Variants in EXOSC4 observed in about 807,000 individuals in gnomAD.
EXOSC4 encodes exosome complex component RRP41.
EXOSC4 carries 14 observed loss-of-function variants against 20.0 expected under a neutral mutation model. The ratio of observed to expected loss-of-function variants is 0.70; its 90% CI spans 0.46 to 1.09. The LOEUF (loss-of-function observed/expected upper bound fraction) is 1.09, where lower values mean the gene tolerates loss of function less well. EXOSC4 is among the 50% of genes least tolerant of loss of function. EXOSC4 has a pLI of 0.00. For missense variants in EXOSC4, 337 were observed against 334.0 expected (o/e 1.01, Z -0.07); for synonymous variants, 148 against 146.4 (o/e 1.01, Z -0.08).
At chr8:144,074,220 A>T (rs1181333097), upstream of EXOSC4, among the ~76,000 whole-genome samples, 8 of 152,052 alleles carry the variant, frequency 5.3e-5, no homozygotes, top group Non-Finnish European at 1.2e-4. Flanking sequence ...AACCAGCTAA[A>T]ACTGTCTCTT....
chr8:144,079,675 G>A (rs529191294), intron 1 of EXOSC4: 4 of 634,416 alleles, frequency 6.3e-6, no homozygotes, highest in Non-Finnish European at 1.2e-5. Flanking sequence ...TAGGATTTGA[G>A]TGTGTAGGTG....
At position 144,079,000 on chromosome 8, in the gene EXOSC4, C is replaced by T. The variant is rs1429323937; in HGVS notation, c.171+101C>T. 3 of 1,289,122 alleles carry T rather than the reference C, an allele frequency of 2.3e-6. No individual in the cohort carries two copies. The African/African-American group carries it at 4.7e-5, about 20-fold the overall frequency. The allele number at this position is 1,289,122 out of a possible 1,614,324, so 79.9% of individuals were successfully genotyped here. A position where few individuals can be genotyped will look rare whatever the true frequency, so the allele number is the denominator to read the frequency against. On this transcript the variant is annotated intron_variant, in intron 1 of 2. Transcript: ENST00000316052. This position sits in a 1 kb window ranked among gnomAD's most constrained non-coding sequence, Gnocchi z 4.7. ...GACTTGAGGGGCAACGGCCGGCGCG[C>T]CTCAGTCTACACAGCCGATGCTCAG...
chr8:144,068,188 T>C, the EXOSC4 span, among the ~76,000 whole-genome samples: 3 of 152,162 alleles, frequency 2.0e-5, no homozygotes, highest in African/African-American at 7.2e-5. Context: ...TTCATAAATA[T>C]TCATGACTCC....
chr8:144,070,821 T>A, the EXOSC4 span, among the ~76,000 whole-genome samples: 2 of 150,728 alleles, frequency 1.3e-5, no homozygotes, highest in East Asian at 3.9e-4. Flanking sequence ...ACAGCAAAAC[T>A]CCGTCTTGAA....
At chr8:144,068,687 T>G in the EXOSC4 span, among the ~76,000 whole-genome samples, 5 of 152,332 alleles carry the variant, frequency 3.3e-5, 1 homozygote, top group South Asian at 1.0e-3. Flanking sequence ...ACAGGGGGAA[T>G]CTGTGGTGCT....
At chr8:144,075,673 T>C (rs782008474), upstream of EXOSC4, among the ~76,000 whole-genome samples, 1 of 152,234 alleles carries the variant, frequency 6.6e-6, no homozygotes, top group Non-Finnish European at 1.5e-5. Flanking sequence ...GCGTCTGCCA[T>C]ATTCTTTCTA....
intron 1 of EXOSC4, chr8:144,079,203 C>T (rs2129922228): frequency 3.2e-6 from 1 of 313,212 alleles, no homozygotes; most frequent in East Asian, 5.4e-5. Context: ...CCTTCCCAGA[C>T]GACCTTATTA....
At chr8:144,079,107 C>A in intron 1 of EXOSC4, 1 of 491,784 alleles carries the variant, frequency 2.0e-6, no homozygotes, top group Non-Finnish European at 3.3e-6. Context: ...TCTGTCCCTG[C>A]GCCCTCCTTC....
the EXOSC4 span, among the ~76,000 whole-genome samples, chr8:144,070,041 G>A: frequency 2.0e-5 from 3 of 152,250 alleles, no homozygotes; most frequent in Non-Finnish European, 2.9e-5. Flanking sequence ...GCCGGGGAAC[G>A]GAGTTTATGT....
At chr8:144,078,536 G>C, upstream of EXOSC4, 1 of 514,758 alleles carries the variant, frequency 1.9e-6, no homozygotes, top group Non-Finnish European at 3.2e-6. The surrounding 1 kb of genome is among the most constrained non-coding windows in gnomAD (Gnocchi z 4.7). Flanking sequence ...CACCAGGACA[G>C]GAAGTGACAG....
chr8:144,078,326 T>G (rs1835856425), upstream of EXOSC4: 1 of 165,550 alleles, frequency 6.0e-6, no homozygotes, highest in South Asian at 1.6e-4. The surrounding 1 kb of genome is among the most constrained non-coding windows in gnomAD (Gnocchi z 4.7). Context: ...CAGGCACCAC[T>G]GGTCACGAGG....
chr8:144,075,290 G>A (rs1391045685), upstream of EXOSC4, among the ~76,000 whole-genome samples: 2 of 151,690 alleles, frequency 1.3e-5, no homozygotes, highest in South Asian at 2.1e-4. Flanking sequence ...GCAGTGGTGC[G>A]ATTTCGGCTC....
At position 144,079,936 on chromosome 8, in the gene EXOSC4, C is replaced by T. The variant is rs1554763241; in HGVS notation, c.172-7C>T. 4 of 1,613,920 alleles carry T rather than the reference C, an allele frequency of 2.5e-6. No homozygotes were observed. Among genetic ancestry groups the T allele is most frequent in the South Asian group, 2.2e-5 (2 of 91,066 alleles). ...TGGGCCTGGCTCATGTGTCTGTCCTCTTCCAGATCCGGGGCTCCCGGGCTC... is the reference window on the plus strand; with the variant it reads ...TGGGCCTGGCTCATGTGTCTGTCCTTTTCCAGATCCGGGGCTCCCGGGCTC... On this transcript the variant is annotated splice_polypyrimidine_tract_variant and splice_region_variant and intron_variant, in intron 1 of 2. Transcript: ENST00000316052.
rs781895679 is a variant in EXOSC4, at chr8:144,080,415, GCTGGCC to G, written c.562_567del (p.Ala188_Leu189del). The G allele has an allele frequency of 1.9e-6, 3 of 1,610,898 alleles. No individual in the cohort carries two copies. In the South Asian group the frequency reaches 3.3e-5, roughly 18 times the overall value. ...TGGAGGAAGCAGCTGGTGGCCCCCAGCTGGCCCTGGCCCTGCTGCCAGCCTCAGGAC... is the reference window on the plus strand; with the variant it reads ...TGGAGGAAGCAGCTGGTGGCCCCCAGCTGGCCCTGCTGCCAGCCTCAGGAC... On this transcript the variant is annotated inframe_deletion, in exon 3 of 3. Coordinates refer to ENST00000316052, the MANE Select transcript of EXOSC4 (RefSeq NM_019037.3). This position sits in a 1 kb window ranked among gnomAD's most constrained non-coding sequence, Gnocchi z 4.9.
chr8:144,071,615 C>T, the EXOSC4 span, among the ~76,000 whole-genome samples: 1 of 149,918 alleles, frequency 6.7e-6, no homozygotes, highest in Non-Finnish European at 1.5e-5. Context: ...CAGTTTTCTA[C>T]AAAAATGATG....
chr8:144,067,780 G>A, the EXOSC4 span, among the ~76,000 whole-genome samples: 1 of 152,256 alleles, frequency 6.6e-6, no homozygotes, highest in Non-Finnish European at 1.5e-5. Context: ...GGCTGAGGCG[G>A]ATGGATCACC....
chr8:144,074,729 C>T (rs2129910578), upstream of EXOSC4, among the ~76,000 whole-genome samples: 1 of 152,202 alleles, frequency 6.6e-6, no homozygotes, highest in East Asian at 1.9e-4. Context: ...TGCCACCATA[C>T]CCAGTTAATT....
the EXOSC4 span, among the ~76,000 whole-genome samples, chr8:144,067,266 T>C: frequency 6.6e-6 from 1 of 152,352 alleles, no homozygotes. Context: ...TTTACTCCCA[T>C]GATTAGGTTA....
In EXOSC4 at chr8:144,078,834, G is replaced by A; in HGVS notation, c.106G>A (p.Asp36Asn). 1 of 1,581,630 alleles carries A rather than the reference G, an allele frequency of 6.3e-7. No individual in the cohort carries two copies. The highest frequency in any genetic ancestry group is 8.6e-7 in the Non-Finnish European group (1 of 1,166,668). Residue 36 changes from aspartate (D) to asparagine (N), a missense_variant, in exon 1 of 3, where the codon GAC becomes AAC. Coordinates refer to ENST00000316052, the MANE Select transcript of EXOSC4 (RefSeq NM_019037.3). This position sits in a 1 kb window ranked among gnomAD's most constrained non-coding sequence, Gnocchi z 4.7. ...QARMGVFAQADGSAYIEQGNT... is the reference protein window; with the variant it reads ...QARMGVFAQANGSAYIEQGNT... The stretch of plus-strand genomic sequence containing the variant: ...GCGGATGGGCGTGTTCGCGCAGGCT[G>A]ACGGCTCGGCCTACATTGAGCAGGG...
Sources: allele counts gnomAD v4.1 joint callset (sites outside exome capture counted in the v4.1 genomes callset), GRCh38; gene constraint gnomAD v4.1.1; non-coding constraint Gnocchi (gnomAD v3.1); transcripts MANE v1.5; gene names NCBI Gene and HGNC (gene_info 2026-07-23, HGNC 2026-07-21).